The following WASL variants were observed in gnomAD, a reference collection of about 807,000 sequenced individuals.
The protein encoded by WASL is WASP like actin nucleation promoting factor, also known as actin nucleation-promoting factor WASL.
Under a neutral mutation model 55.5 loss-of-function variants are expected in WASL, and 20 were observed. That is an observed-to-expected ratio of 0.36 (90% confidence interval 0.25 to 0.52). WASL has a LOEUF of 0.52. WASL is among the 20% of genes least tolerant of loss of function. WASL has a pLI of 0.92. For synonymous variants in WASL, 249 were observed against 217.6 expected (o/e 1.14, Z -1.27); for missense variants, 504 against 622.5 (o/e 0.81, Z 2.03).
At chr7:123,705,161 A>G (rs1215198922) in intron 4 of WASL, among the ~76,000 whole-genome samples, 1 of 152,208 alleles carries the variant, frequency 6.6e-6, no homozygotes, top group East Asian at 1.9e-4. Flanking sequence ...CTGACAGATC[A>G]TGGTGGCCTG....
At chr7:123,745,004 GA>G (rs1336972271) in intron 1 of WASL, among the ~76,000 whole-genome samples, 11 of 152,134 alleles carry the variant, frequency 7.2e-5, no homozygotes, top group Admixed American at 6.5e-4. Context: ...ATTTACTGAT[GA>G]TCTGCCTCCT....
At chr7:123,712,835 A>G (rs1365554968) in intron 1 of WASL, among the ~76,000 whole-genome samples, 1 of 152,304 alleles carries the variant, frequency 6.6e-6, no homozygotes, top group Non-Finnish European at 1.5e-5. Flanking sequence ...TCTATCCTGC[A>G]TAAGACTTAA....
intron 1 of WASL, among the ~76,000 whole-genome samples, chr7:123,711,922 T>C (rs1182950317): frequency 6.6e-6 from 1 of 152,152 alleles, no homozygotes; most frequent in Admixed American, 6.5e-5. Flanking sequence ...ACCTGTCATA[T>C]CTTGTGTATT....
At chr7:123,738,778 G>A (rs1197058625) in intron 1 of WASL, among the ~76,000 whole-genome samples, 1 of 151,998 alleles carries the variant, frequency 6.6e-6, no homozygotes, top group Non-Finnish European at 1.5e-5. Flanking sequence ...TATACATCAG[G>A]GGTGTCCAAT....
At chr7:123,705,973 G>A (rs1213181325) in intron 4 of WASL, among the ~76,000 whole-genome samples, 1 of 151,824 alleles carries the variant, frequency 6.6e-6, no homozygotes, top group African/African-American at 2.4e-5. Context: ...TATTGTATTG[G>A]GCCCTTCGGT....
intron 5 of WASL, among the ~76,000 whole-genome samples, chr7:123,699,059 T>C (rs1221556822): frequency 2.6e-5 from 4 of 152,178 alleles, no homozygotes; most frequent in African/African-American, 9.7e-5. Context: ...TAATAAAATG[T>C]AAGAATTAAG....
rs559513087 is a variant in WASL, at chr7:123,716,852, T to C, written c.118-7629A>G. Among the ~76,000 whole-genome samples the C allele has an allele frequency of 7.9e-5, 12 of 152,268 alleles. No individual in the cohort carries two copies. In the South Asian group the frequency reaches 2.5e-3, roughly 32 times the overall value. On this transcript the variant is annotated intron_variant, in intron 1 of 10. Transcript: ENST00000223023. ...CTTAATACCACTTCACCATATATTTTATCAAGCATATAATACAATCCCCTC... is the reference window on the plus strand; with the variant it reads ...CTTAATACCACTTCACCATATATTTCATCAAGCATATAATACAATCCCCTC...
At chr7:123,722,918 C>A (rs1028203854) in intron 1 of WASL, among the ~76,000 whole-genome samples, 1 of 152,130 alleles carries the variant, frequency 6.6e-6, no homozygotes, top group African/African-American at 2.4e-5. Context: ...TAACTGGACA[C>A]AAGTGAGGGC....
intron 1 of WASL, among the ~76,000 whole-genome samples, chr7:123,742,671 A>G (rs900488206): frequency 2.0e-5 from 3 of 152,198 alleles, no homozygotes; most frequent in Admixed American, 2.0e-4. Context: ...CCAAAAATAC[A>G]TTATAATTAC....
intron 5 of WASL, among the ~76,000 whole-genome samples, chr7:123,700,892 T>G (rs1377285467): frequency 2.0e-5 from 3 of 152,228 alleles, no homozygotes; most frequent in African/African-American, 7.2e-5. Context: ...AAATATTTAC[T>G]AACAACTTAC....
intron 4 of WASL, among the ~76,000 whole-genome samples, chr7:123,705,788 T>C (rs1471743638): frequency 6.6e-6 from 1 of 152,156 alleles, no homozygotes; most frequent in Non-Finnish European, 1.5e-5. Flanking sequence ...AGGAACAAAA[T>C]AGAAAGACAA....
intron 10 of WASL, 72 bp downstream of exon 10, chr7:123,688,970 A>C (rs1584854511): frequency 7.7e-7 from 1 of 1,307,058 alleles, no homozygotes; most frequent in South Asian, 1.2e-5. Flanking sequence ...AACGTCAAAC[A>C]TTCAAATTTA....
intron 1 of WASL, among the ~76,000 whole-genome samples, chr7:123,744,413 C>T (rs1051824065): frequency 2.6e-5 from 4 of 151,814 alleles, no homozygotes; most frequent in African/African-American, 7.3e-5. Flanking sequence ...CCAGAAGTTA[C>T]AAAAATTATA....
rs183343765 is a variant in WASL at position 123,720,833 on chromosome 7, T to C, written c.118-11610A>G. On this transcript the variant is annotated intron_variant, in intron 1 of 10. Transcript: ENST00000223023. ...GGGATTTTTAAACCATGTGGATGTATTGGCTTTCCAAAAATTAAAAATTGA... is the reference window on the plus strand; with the variant it reads ...GGGATTTTTAAACCATGTGGATGTACTGGCTTTCCAAAAATTAAAAATTGA... 1.9e-3 allele frequency among the ~76,000 whole-genome samples: 295 copies of C among 151,990 alleles called. 1 individual carries two copies. Among genetic ancestry groups the C allele is most frequent in the Non-Finnish European group, 3.2e-3 (219 of 67,964 alleles).
chr7:123,714,961 A>T (rs1025323612), intron 1 of WASL, among the ~76,000 whole-genome samples: 1 of 152,160 alleles, frequency 6.6e-6, no homozygotes, highest in African/African-American at 2.4e-5. Context: ...TACCATAGGA[A>T]AGTTTGGTGA....
intron 10 of WASL, among the ~76,000 whole-genome samples, chr7:123,687,730 C>T (rs939974746): frequency 2.0e-5 from 3 of 150,910 alleles, no homozygotes; most frequent in African/African-American, 7.3e-5. Flanking sequence ...CTCATTAGAC[C>T]TAATGCATGT....
At chr7:123,704,216 A>AATAAG (rs1803632992) in intron 5 of WASL, among the ~76,000 whole-genome samples, 1 of 152,204 alleles carries the variant, frequency 6.6e-6, no homozygotes, top group Non-Finnish European at 1.5e-5. Context: ...AATATTTTGA[A>AATAAG]ATAAGAATGA....
At chr7:123,708,743 C>T (rs935453635) in intron 2 of WASL, among the ~76,000 whole-genome samples, 2 of 151,046 alleles carry the variant, frequency 1.3e-5, no homozygotes, top group Admixed American at 6.6e-5. Context: ...AGACTATCTA[C>T]GCTATTCTAT....
At position 123,694,468 on chromosome 7, in the gene WASL, T is replaced by C. The variant is rs544585849; in HGVS notation, c.826+247A>G. Among the ~76,000 whole-genome samples the C allele has an allele frequency of 1.9e-3, 294 of 152,308 alleles. 1 individual carries two copies. Among genetic ancestry groups the C allele is most frequent in the Middle Eastern group, 0.01 (3 of 294 alleles). On this transcript the variant is annotated intron_variant, in intron 8 of 10. Transcript: ENST00000223023. ...TTTAGGCAACTATAAGTTTTTACTT[T>C]AAAATAGAATAGCTGGGAAGATTTT...
Sources: allele counts gnomAD v4.1 joint callset (sites outside exome capture counted in the v4.1 genomes callset), GRCh38; gene constraint gnomAD v4.1.1; transcripts MANE v1.5; gene names NCBI Gene and HGNC (gene_info 2026-07-23, HGNC 2026-07-21).